NFRKB: variants seen among roughly 807,000 people sequenced by gnomAD.
The protein encoded by NFRKB is nuclear factor related to kappa-B-binding protein.
NFRKB carries 62 observed loss-of-function variants against 135.7 expected under a neutral mutation model. That is an observed-to-expected ratio of 0.46 (90% confidence interval 0.37 to 0.56). The LOEUF (loss-of-function observed/expected upper bound fraction) is 0.56, where lower values mean the gene tolerates loss of function less well. Ranked by LOEUF, NFRKB falls within the 20% of genes least tolerant of loss-of-function variation. The probability of loss-of-function intolerance (pLI) is 0.00; values close to 1 mark genes in which losing one functional copy is unlikely to be tolerated. For synonymous variants in NFRKB, 678 were observed against 635.6 expected, an observed-to-expected ratio of 1.07 and a Z score of -1.00; for missense variants, 1,545 against 1,662.0, an observed-to-expected ratio of 0.93 and a Z score of 1.22.
chr11:129,871,996 A>G (rs552344093), intron 23 of NFRKB, among the ~76,000 whole-genome samples: 2 of 152,132 alleles, frequency 1.3e-5, no homozygotes, highest in Non-Finnish European at 2.9e-5. Context: ...TCCTGACACA[A>G]AACATCTGCA....
intron 23 of NFRKB, among the ~76,000 whole-genome samples, chr11:129,870,679 G>A (rs1186257060): frequency 6.6e-6 from 1 of 152,060 alleles, no homozygotes; most frequent in East Asian, 1.9e-4. Flanking sequence ...ATTTCCTCCT[G>A]CCTCAGTCTC....
At position 129,874,224 on chromosome 11, in the gene NFRKB, A is replaced by G; in HGVS notation, c.2168T>C (p.Val723Ala). ...SSMPPTPVTP[V>A]TPTTPALPAI... ...GGGCAATGCTGGTGTGGTGGGGGTT[A>G]CAGGTGTGACTGGGGTGGGTGGCAT... is the stretch of plus-strand genomic sequence containing the variant. Residue 723 changes from valine (V) to alanine (A), a missense_variant, in exon 21 of 27, where the codon GTA becomes GCA. Val to Ala is a moderately conservative substitution (Grantham distance 64, BLOSUM62 0). Around this residue, in one of 3 missense-constraint regions of NFRKB, gnomAD observed 753 missense variants for 804.3 expected, o/e 0.94. Transcript: ENST00000682444. The surrounding 1 kb of genome is among the most constrained non-coding windows in gnomAD (Gnocchi z 4.5). The G allele has an allele frequency of 6.6e-7, 1 of 1,519,728 alleles. No homozygotes were observed. 94.1% of individuals were successfully genotyped at this position (1,519,728 alleles called of 1,614,324 possible).
At position 129,878,545 on chromosome 11, in the gene NFRKB, T is replaced by C; in HGVS notation, c.1385-2A>G. ...CCTTTTCATTATCTTGGGATTGGCC[T>C]ATTAGAGGAATAAAGAGATAAAAAA... On this transcript the variant is annotated splice_acceptor_variant, in intron 13 of 26. Transcript: ENST00000682444. LOFTEE classifies it high-confidence loss of function. 6.2e-7 allele frequency: 1 copy of C among 1,612,448 alleles called. No individual in the cohort carries two copies. Among genetic ancestry groups the C allele is most frequent in the Non-Finnish European group, 8.5e-7 (1 of 1,178,608 alleles).
At chr11:129,872,753 T>A in intron 23 of NFRKB, 131 bp downstream of exon 23, 1 of 890,430 alleles carries the variant, frequency 1.1e-6, no homozygotes, top group South Asian at 1.7e-5. Flanking sequence ...CACCTAAGTA[T>A]CTATAAGCTG....
intron 22 of NFRKB, 144 bp downstream of exon 22, chr11:129,873,601 C>T: frequency 8.6e-7 from 1 of 1,159,284 alleles, no homozygotes; most frequent in South Asian, 1.5e-5. Flanking sequence ...TCTGAACATT[C>T]AGTGGCTTAT....
In NFRKB at chr11:129,884,898, G is replaced by A. The variant is rs766529120; in HGVS notation, c.641-52C>T. ...TCCAACGTGGCTGTGGACTCCAATAGGGGAGATTGGGTAAGTGGCCATTTG... is the reference window on the plus strand; with the variant it reads ...TCCAACGTGGCTGTGGACTCCAATAAGGGAGATTGGGTAAGTGGCCATTTG... On this transcript the variant is annotated intron_variant, in intron 6 of 26. Coordinates refer to ENST00000682444, the MANE Select transcript of NFRKB (RefSeq NM_001143835.2). 4 of 1,613,112 alleles carry A rather than the reference G, an allele frequency of 2.5e-6. No homozygotes were observed. The Admixed American group carries it at 6.7e-5, about 27-fold the overall frequency.
chr11:129,870,864 C>G (rs60335545), intron 23 of NFRKB, among the ~76,000 whole-genome samples: 23 of 152,178 alleles, frequency 1.5e-4, no homozygotes, highest in African/African-American at 5.3e-4. Context: ...TGCAAACATG[C>G]TATAATACTT....
intron 23 of NFRKB, 80 bp from the exon 24 acceptor site, chr11:129,870,341 T>C (rs1948442872): frequency 1.4e-6 from 2 of 1,458,140 alleles, no homozygotes; most frequent in Non-Finnish European, 1.9e-6. Context: ...AACTTCCGTT[T>C]CATGGGTAGA....
Position 129,876,881 on chromosome 11 carries a change from A to T in NFRKB, c.1587T>A (p.Tyr529Ter). Residue 529 changes from tyrosine (Y) to a stop codon, truncating the protein, a stop_gained, in exon 17 of 27, where the codon TAT (tyrosine) becomes TAA (stop). Coordinates refer to ENST00000682444, the MANE Select transcript of NFRKB (RefSeq NM_001143835.2). LOFTEE classifies it high-confidence loss of function. ...RVFQEQERYR[Y>*]SQPHKAFTFR... ...AGGTGAACGCCTTATGGGGTTGGCT[A>T]TACCTGTAACGCTCCTACCAAGAGA... The T allele has an allele frequency of 6.2e-7, 1 of 1,614,038 alleles. No individual in the cohort carries two copies. Among genetic ancestry groups the T allele is most frequent in the Non-Finnish European group, 8.5e-7 (1 of 1,179,962 alleles).
At chr11:129,873,662 AC>A (rs1948623501) in intron 22 of NFRKB, 82 bp downstream of exon 22, 1 of 1,544,610 alleles carries the variant, frequency 6.5e-7, no homozygotes, top group South Asian at 1.2e-5. Context: ...CCCAGTCCTT[AC>A]CCAGACACTG....
chr11:129,891,918 T>C (rs1281758166), intron 3 of NFRKB, among the ~76,000 whole-genome samples: 1 of 152,150 alleles, frequency 6.6e-6, no homozygotes, highest in Non-Finnish European at 1.5e-5. Flanking sequence ...AGACACTGGG[T>C]CAGGGAGAGA....
chr11:129,869,968 T>G lies in NFRKB; in HGVS notation c.3057A>C (p.Ala1019=). The part of the protein sequence containing the change: ...TLHVTSNPVH[A]ADSPAKASSA... ...AACTGGCCTTGGCAGGGCTATCAGCTGCATGTACTGGATTGGAAGTGACGT... is the reference window on the plus strand; with the variant it reads ...AACTGGCCTTGGCAGGGCTATCAGCGGCATGTACTGGATTGGAAGTGACGT... The change falls in exon 24 of 27, where the codon GCA becomes GCC. Residue 1019 remains alanine, a synonymous_variant. Coordinates refer to ENST00000682444, the MANE Select transcript of NFRKB (RefSeq NM_001143835.2). The G allele has an allele frequency of 6.2e-7, 1 of 1,614,254 alleles. No homozygotes were observed. Among genetic ancestry groups the G allele is most frequent in the East Asian group, 2.2e-5 (1 of 44,880 alleles).
At position 129,874,286 on chromosome 11, in the gene NFRKB, A is replaced by C. The variant is rs749882131; in HGVS notation, c.2106T>G (p.Pro702=). The C allele has an allele frequency of 6.6e-6, 10 of 1,516,508 alleles. No homozygotes were observed. Among genetic ancestry groups the C allele is most frequent in the Non-Finnish European group, 8.8e-6 (10 of 1,134,502 alleles). The allele number at this position is 1,516,508 out of a possible 1,614,324, so 93.9% of individuals were successfully genotyped here. A position where few individuals can be genotyped will look rare whatever the true frequency, so the allele number is the denominator to read the frequency against. ...TGAGGCTCATCTGGCTCTGCTCAGA[A>C]GGGCCACTGCTAAGGACCTTTATGG... ...ESSIKVLSSG[P]SEQSQMSLSD... Residue 702 remains proline, a synonymous_variant, in exon 21 of 27, where the codon CCT becomes CCG. Coordinates refer to ENST00000682444, the MANE Select transcript of NFRKB (RefSeq NM_001143835.2). The surrounding 1 kb of genome is among the most constrained non-coding windows in gnomAD (Gnocchi z 4.5).
intron 14 of NFRKB, 33 bp from the exon 15 acceptor site, chr11:129,878,388 G>C (rs760860465): frequency 1.9e-6 from 3 of 1,613,774 alleles, no homozygotes; most frequent in Non-Finnish European, 2.5e-6. Context: ...CAGGTAAATG[G>C]ACTAAAGAAT....
At position 129,873,169 on chromosome 11, in the gene NFRKB, C is replaced by T. The variant is rs569530922; in HGVS notation, c.2551-73G>A. 1.0e-5 allele frequency: 13 copies of T among 1,305,876 alleles called. No homozygotes were observed. In the African/African-American group the frequency reaches 1.5e-4, roughly 15 times the overall value. 80.9% of individuals were successfully genotyped at this position (1,305,876 alleles called of 1,614,324 possible). A position where few individuals can be genotyped will look rare whatever the true frequency, so the allele number is the denominator to read the frequency against. ...GACCAGCACTCTAAGCAAGAGTCTCCCTCAGCACCCCGGAAGCATTGCTCT... is the reference window on the plus strand; with the variant it reads ...GACCAGCACTCTAAGCAAGAGTCTCTCTCAGCACCCCGGAAGCATTGCTCT... On this transcript the variant is annotated intron_variant, in intron 22 of 26. Coordinates refer to ENST00000682444, the MANE Select transcript of NFRKB (RefSeq NM_001143835.2).
At chr11:129,884,294 TC>T in intron 7 of NFRKB, 151 bp from the exon 8 acceptor site, 1 of 757,704 alleles carries the variant, frequency 1.3e-6, no homozygotes, top group Non-Finnish European at 2.3e-6. Flanking sequence ...GATCGACACT[TC>T]CACTTTTCCA....
intron 4 of NFRKB, among the ~76,000 whole-genome samples, chr11:129,888,045 G>A (rs967492850): frequency 5.9e-5 from 9 of 152,104 alleles, no homozygotes; most frequent in African/African-American, 9.7e-5. Context: ...CCAAAGAAAA[G>A]AAAAGAAAAT....
chr11:129,878,231 G>T, intron 15 of NFRKB, 78 bp downstream of exon 15: 1 of 1,460,742 alleles, frequency 6.8e-7, no homozygotes, highest in South Asian at 1.2e-5. Context: ...AGCATACCAA[G>T]AAGTATTAAC....
chr11:129,872,647 C>T (rs1298914124), intron 23 of NFRKB: 1 of 407,696 alleles, frequency 2.5e-6, no homozygotes, highest in Non-Finnish European at 4.4e-6. Context: ...AATCCAGAAA[C>T]TCGACTACTG....
Sources: allele counts gnomAD v4.1 joint callset (sites outside exome capture counted in the v4.1 genomes callset), GRCh38; gene constraint gnomAD v4.1.1; regional missense constraint gnomAD v4.1.1; non-coding constraint Gnocchi (gnomAD v3.1); transcripts MANE v1.5; gene names NCBI Gene and HGNC (gene_info 2026-07-23, HGNC 2026-07-21).